TRIM49C: variants seen among roughly 807,000 people sequenced by gnomAD.
TRIM49C encodes the protein tripartite motif-containing protein 49C.
Under a neutral mutation model 21.4 loss-of-function variants are expected in TRIM49C, and 6 were observed. That is an observed-to-expected ratio of 0.28 (90% CI 0.15 to 0.55). TRIM49C has a LOEUF of 0.55. Among genes scored for constraint, TRIM49C ranks in the 20% least tolerant of loss-of-function variants. The pLI is 0.94. For missense variants in TRIM49C, 161 were observed against 442.4 expected (o/e 0.36, Z 5.71); for synonymous variants, 57 against 148.1 (o/e 0.38, Z 4.47).
chr11:90,054,378 T>C, the TRIM49C span, among the ~76,000 whole-genome samples: 2 of 135,334 alleles, frequency 1.5e-5, 1 homozygote, highest in Non-Finnish European at 3.2e-5. Context: ...GTCCTGGTGT[T>C]ATACTCCTTT....
At chr11:90,062,944 G>T in the TRIM49C span, 2 of 1,409,294 alleles carry the variant, frequency 1.4e-6, no homozygotes, top group South Asian at 1.4e-5. Flanking sequence ...AGTAGTTCAC[G>T]CAAATGCAGC....
downstream of TRIM49C, among the ~76,000 whole-genome samples, chr11:90,043,923 C>A (rs1950786975): frequency 1.8e-5 from 1 of 56,400 alleles, no homozygotes; most frequent in Non-Finnish European, 3.1e-5. Context: ...GCTATCCCTC[C>A]CCCTCCCCCC....
chr11:90,064,301 G>A, the TRIM49C span, among the ~76,000 whole-genome samples: 1 of 151,374 alleles, frequency 6.6e-6, no homozygotes. Flanking sequence ...CAGATGATTA[G>A]AGAGAACACT....
the TRIM49C span, among the ~76,000 whole-genome samples, chr11:90,070,653 A>T: frequency 3.4e-4 from 48 of 140,586 alleles, 5 homozygotes; most frequent in Non-Finnish European, 1.1e-4. Flanking sequence ...TCAGAAATAG[A>T]TTCTGTCAAT....
Position 90,039,917 on chromosome 11 carries a change from G to T in TRIM49C, c.814G>T (p.Ala272Ser). The T allele has an allele frequency of 8.1e-7, 1 of 1,231,490 alleles. No homozygotes were observed. 76.3% of individuals were successfully genotyped at this position (1,231,490 alleles called of 1,614,324 possible). The change falls in exon 7 of 8, where the codon GCA (alanine) becomes TCA (serine). Residue 272 changes from alanine to serine, a missense_variant. Transcript: ENST00000448984. ...CCAGCCTCTGAATCCAGAGCTCAGT[G>T]CAGGGCCCATCACTGGACTGAGGGA... is the stretch of plus-strand genomic sequence containing the variant. ...MPQPLNPELS[A>S]GPITGLRDRL...
chr11:90,031,451 C>A (rs1475749260), intron 1 of TRIM49C, among the ~76,000 whole-genome samples: 4 of 136,362 alleles, frequency 2.9e-5, no homozygotes, highest in African/African-American at 1.1e-4. Flanking sequence ...CTTCTGAAAT[C>A]TCTTTTTTAA....
chr11:90,038,683 T>C lies in TRIM49C; in HGVS notation c.739-10T>C, dbSNP rs1950744613. On this transcript the variant is annotated splice_polypyrimidine_tract_variant and intron_variant, in intron 5 of 7. Transcript: ENST00000448984. ...ATGCACTAAATCTTTCTTCTTTTTT[T>C]TTTTTTCAGGCTTTTGGAGACATAT... 1 of 1,098,658 alleles carries C rather than the reference T, an allele frequency of 9.1e-7. No homozygotes were observed. Among genetic ancestry groups the C allele is most frequent in the Non-Finnish European group, 1.2e-6 (1 of 815,354 alleles). 68.1% of individuals were successfully genotyped at this position (1,098,658 alleles called of 1,614,324 possible). A position where few individuals can be genotyped will look rare whatever the true frequency, so the allele number is the denominator to read the frequency against.
chr11:90,036,676 T>C (rs1950729743), intron 4 of TRIM49C, among the ~76,000 whole-genome samples: 2 of 138,460 alleles, frequency 1.4e-5, no homozygotes, highest in African/African-American at 5.1e-5. Context: ...GATTAGTTTG[T>C]TGAAAAGTAT....
At position 90,035,886 on chromosome 11, in the gene TRIM49C, A is replaced by T; in HGVS notation, c.412-2A>T. On this transcript the variant is annotated splice_acceptor_variant, in intron 3 of 7. Transcript: ENST00000448984. LOFTEE classifies it high-confidence loss of function. ...GTGCTTCAATTTATGGCTCTTTTGC[A>T]GGAGAAGCTTTTACAGAAAATGCAG... 1.2e-6 allele frequency: 1 copy of T among 857,712 alleles called. No homozygotes were observed. The highest frequency in any genetic ancestry group is 1.6e-6 in the Non-Finnish European group (1 of 642,452). The allele number at this position is 857,712 out of a possible 1,614,324, so 53.1% of individuals were successfully genotyped here.
chr11:90,048,034 G>T, the TRIM49C span, among the ~76,000 whole-genome samples: 4 of 108,416 alleles, frequency 3.7e-5, 2 homozygotes, highest in South Asian at 1.5e-3. Context: ...ATGAAGCTTA[G>T]TTTGGCTGGA....
rs1411721405 is a variant in TRIM49C, at chr11:90,037,121, A to G, written c.508-628A>G. 8.1e-5 allele frequency among the ~76,000 whole-genome samples: 11 copies of G among 135,094 alleles called. 2 individuals are homozygous for G. The highest frequency in any genetic ancestry group is 7.9e-4 in the Admixed American group (9 of 11,448). 88.6% of individuals were successfully genotyped at this position (135,094 alleles called of 152,430 possible). ...TATGTGTGTGTGTTTGTATACATAT[A>G]TATGTAATTCTAGTTGGAGAGAATA... is the stretch of plus-strand genomic sequence containing the variant. On this transcript the variant is annotated intron_variant, in intron 4 of 7. Coordinates refer to ENST00000448984, the MANE Select transcript of TRIM49C (RefSeq NM_001195234.1).
At chr11:90,056,941 C>G in the TRIM49C span, among the ~76,000 whole-genome samples, 1 of 148,966 alleles carries the variant, frequency 6.7e-6, no homozygotes, top group East Asian at 1.9e-4. Flanking sequence ...TCTGTGAGGT[C>G]AACTTAACTT....
chr11:90,037,109 T>A (rs1950734133), intron 4 of TRIM49C, among the ~76,000 whole-genome samples: 1 of 134,078 alleles, frequency 7.5e-6, no homozygotes, highest in Non-Finnish European at 1.6e-5. Context: ...GTGTGTGTGT[T>A]TGTATACATA....
chr11:90,070,728 T>C, the TRIM49C span, among the ~76,000 whole-genome samples: 15 of 141,098 alleles, frequency 1.1e-4, 3 homozygotes, highest in Admixed American at 1.2e-3. Context: ...TGATAGTATG[T>C]GGTAATTCTA....
In TRIM49C at chr11:90,039,643, CA is replaced by C. The variant is rs377655548; in HGVS notation, c.762-212del. ...GCTAAGGAACCTTACACATTTGGAGCAAAAAAAAAAGAAGGATCAGATTGGA... is the reference window on the plus strand; with the variant it reads ...GCTAAGGAACCTTACACATTTGGAGCAAAAAAAAAGAAGGATCAGATTGGA... On this transcript the variant is annotated intron_variant, in intron 6 of 7. Coordinates refer to ENST00000448984, the MANE Select transcript of TRIM49C (RefSeq NM_001195234.1). Among the ~76,000 whole-genome samples the C allele has an allele frequency of 2.1e-4, 24 of 116,382 alleles. 1 individual carries two copies. The highest frequency in any genetic ancestry group is 1.1e-3 in the East Asian group (4 of 3,742). The allele number at this position is 116,382 out of a possible 152,430, so 76.4% of individuals were successfully genotyped here.
downstream of TRIM49C, chr11:90,042,166 A>C (rs1565481821): frequency 6.9e-6 from 1 of 145,110 alleles, no homozygotes; most frequent in Non-Finnish European, 1.5e-5. Context: ...TTTTTTTAAA[A>C]AGTAACTAAA....
chr11:90,043,191 A>G (rs1427955516), downstream of TRIM49C, among the ~76,000 whole-genome samples: 1 of 144,734 alleles, frequency 6.9e-6, no homozygotes, highest in Non-Finnish European at 1.5e-5. Flanking sequence ...TGGGGAGACC[A>G]AGGAGTGAGA....
chr11:90,066,029 T>C, the TRIM49C span, among the ~76,000 whole-genome samples: 1 of 139,566 alleles, frequency 7.2e-6, no homozygotes, highest in East Asian at 2.2e-4. Context: ...CTAACTCTTT[T>C]TTTTCTTTTG....
chr11:90,051,779 T>G, the TRIM49C span: 2 of 317,612 alleles, frequency 6.3e-6, no homozygotes, highest in South Asian at 8.1e-5. Flanking sequence ...GCAGCCACGG[T>G]GCCCAGCCCC....
Sources: gnomAD v4.1 joint callset for allele counts (sites outside exome capture counted in the v4.1 genomes callset) on GRCh38, gnomAD v4.1.1 for gene constraint, MANE v1.5 for transcripts, NCBI Gene and HGNC (gene_info 2026-07-23, HGNC 2026-07-21) for gene names.